PAK3: variants seen among roughly 807,000 people sequenced by gnomAD.
PAK3 encodes serine/threonine-protein kinase PAK 3.
In PAK3, 4 loss-of-function variants were observed where a neutral mutation model predicts 41.0. The observed-to-expected ratio is 0.10, with a 90% CI of 0.05 to 0.22. PAK3 has a LOEUF of 0.22. PAK3 is among the 10% of genes least tolerant of loss of function. The pLI, the probability that PAK3 is intolerant of heterozygous loss-of-function variation, is 1.00. For missense variants in PAK3, 205 were observed against 409.9 expected, an observed-to-expected ratio of 0.50 and a Z score of 4.32; for synonymous variants, 146 against 139.6, an observed-to-expected ratio of 1.05 and a Z score of -0.32.
intron 8 of PAK3, among the ~76,000 whole-genome samples, chrX:111,156,169 G>A (rs2094104739): frequency 8.9e-6 from 1 of 111,830 alleles, no homozygotes; most frequent in South Asian, 3.8e-4. Flanking sequence ...GGAATGGGGA[G>A]ATTACATTCA....
chrX:111,114,796 C>G (rs1160729832), intron 4 of PAK3, among the ~76,000 whole-genome samples: 6 of 111,760 alleles, frequency 5.4e-5, no homozygotes, highest in Admixed American at 1.9e-4. Context: ...TTATGAACAC[C>G]CGAGTTTCCT....
intron 1 of PAK3, among the ~76,000 whole-genome samples, chrX:111,046,002 C>A (rs776644477): frequency 1.8e-5 from 2 of 111,770 alleles, no homozygotes; most frequent in Non-Finnish European, 3.8e-5. Flanking sequence ...ATCTAAGTTT[C>A]ACTCTGTAAT....
In PAK3 at chrX:111,152,459, A is replaced by T. The variant is rs763898970; in HGVS notation, c.468+12A>T. Reference sequence around the variant, plus strand: ...CAGCCCATCCTTCGGTAAGTGAAAAATTGAAAACTGTTTCACATGATTGGT... The same window carrying T: ...CAGCCCATCCTTCGGTAAGTGAAAATTTGAAAACTGTTTCACATGATTGGT... On this transcript the variant is annotated intron_variant, in intron 8 of 17. Transcript: ENST00000372007. 8.9e-7 allele frequency: 1 copy of T among 1,121,349 alleles called. No homozygotes were observed. The highest frequency in any genetic ancestry group is 1.8e-5 in the South Asian group (1 of 54,972). The allele number at this position is 1,121,349 out of a possible 1,213,427, so 92.4% of individuals were successfully genotyped here.
At chrX:110,997,191 T>G (rs2091755225) in intron 1 of PAK3, among the ~76,000 whole-genome samples, 1 of 110,287 alleles carries the variant, frequency 9.1e-6, no homozygotes, top group African/African-American at 3.3e-5. Flanking sequence ...ATTCAGGAAT[T>G]TAATGGGGTT....
chrX:110,999,269 TAAG>T (rs1416525221), intron 1 of PAK3, among the ~76,000 whole-genome samples: 2 of 111,726 alleles, frequency 1.8e-5, no homozygotes, highest in Non-Finnish European at 3.8e-5. Context: ...AACCAAAGTT[TAAG>T]AAGAAGAAAC....
At chrX:110,953,821 G>A (rs753492055) in intron 1 of PAK3, among the ~76,000 whole-genome samples, 5 of 111,578 alleles carry the variant, frequency 4.5e-5, no homozygotes, top group Non-Finnish European at 9.4e-5. Context: ...GAGTTTGGAC[G>A]AACAAACTGA....
At chrX:111,076,862 C>G (rs1455725532) in intron 1 of PAK3, among the ~76,000 whole-genome samples, 1 of 111,431 alleles carries the variant, frequency 9.0e-6, no homozygotes, top group African/African-American at 3.3e-5. Context: ...GCATCCCATT[C>G]AGAAAGGAAG....
At chrX:111,109,557 G>A (rs1158116628) in intron 4 of PAK3, among the ~76,000 whole-genome samples, 1 of 111,909 alleles carries the variant, frequency 8.9e-6, no homozygotes, top group East Asian at 2.8e-4. Context: ...TGTTCATTTA[G>A]CTATCCCCTC....
chrX:111,168,486 A>G (rs1392660021), intron 10 of PAK3, among the ~76,000 whole-genome samples: 1 of 111,862 alleles, frequency 8.9e-6, no homozygotes, highest in Non-Finnish European at 1.9e-5. Context: ...CAAGGCCTCT[A>G]GTATACTTGC....
chrX:111,103,079 T>A (rs761804078), intron 3 of PAK3, 80 bp from the exon 4 acceptor site: 2 of 106,432 alleles, frequency 1.9e-5, no homozygotes, highest in Non-Finnish European at 3.8e-5. Flanking sequence ...GAGAGAGAGA[T>A]GTTTGGTGGG....
chrX:111,046,082 C>G (rs1215010906), intron 1 of PAK3, among the ~76,000 whole-genome samples: 2 of 111,679 alleles, frequency 1.8e-5, no homozygotes, highest in Non-Finnish European at 3.8e-5. Flanking sequence ...AGAGCCTCGT[C>G]TGCTGCTGGG....
intron 11 of PAK3, among the ~76,000 whole-genome samples, chrX:111,187,316 T>G (rs2094520589): frequency 8.9e-6 from 1 of 112,107 alleles, no homozygotes; most frequent in South Asian, 3.7e-4. Context: ...TCCTTATGAT[T>G]CACACACTAG....
At chrX:110,996,748 C>T (rs1017141032) in intron 1 of PAK3, among the ~76,000 whole-genome samples, 16 of 111,641 alleles carry the variant, frequency 1.4e-4, no homozygotes, top group African/African-American at 5.2e-4. Flanking sequence ...GAAAAGAGGC[C>T]TCAGAATGAA....
intron 1 of PAK3, among the ~76,000 whole-genome samples, chrX:111,022,504 G>A (rs1456920610): frequency 3.6e-5 from 4 of 111,466 alleles, no homozygotes; most frequent in African/African-American, 6.5e-5. Flanking sequence ...TACTAAGCCA[G>A]CACTAAAAGA....
At position 111,192,637 on chromosome X, in the gene PAK3, T is replaced by C; in HGVS notation, c.992+19T>C. On this transcript the variant is annotated intron_variant, in intron 13 of 17. Transcript: ENST00000372007. ...TAGATAGGTAAGTGTTTTGTCTTAT[T>C]ATGTACTTATATTCTTTGTGGGATG... 1.4e-6 allele frequency: 1 copy of C among 723,344 alleles called. No homozygotes were observed. The highest frequency in any genetic ancestry group is 2.2e-6 in the Non-Finnish European group (1 of 453,636). The allele number at this position is 723,344 out of a possible 1,213,427, so 59.6% of individuals were successfully genotyped here. A position where few individuals can be genotyped will look rare whatever the true frequency, so the allele number is the denominator to read the frequency against.
intron 10 of PAK3, among the ~76,000 whole-genome samples, chrX:111,165,568 T>C (rs2094244627): frequency 8.9e-6 from 1 of 112,449 alleles, no homozygotes; most frequent in South Asian, 3.7e-4. Flanking sequence ...ATCCGAACTG[T>C]CTATTTTTGT....
intron 1 of PAK3, among the ~76,000 whole-genome samples, chrX:111,058,850 G>A (rs2092628560): frequency 8.9e-6 from 1 of 111,767 alleles, no homozygotes; most frequent in African/African-American, 3.3e-5. Flanking sequence ...ATATAAGACA[G>A]TGGTCAAAAT....
intron 1 of PAK3, among the ~76,000 whole-genome samples, chrX:111,001,720 C>A (rs1028982424): frequency 2.7e-5 from 3 of 111,997 alleles, no homozygotes; most frequent in South Asian, 3.7e-4. Context: ...AAGCAGCCCC[C>A]TGGCCTGATG....
chrX:110,997,538 C>T (rs1025450186), intron 1 of PAK3, among the ~76,000 whole-genome samples: 2 of 111,540 alleles, frequency 1.8e-5, no homozygotes, highest in Admixed American at 1.9e-4. Context: ...ATAAATAGGA[C>T]ATGAGATAAA....
Sources: gnomAD v4.1 joint callset for allele counts (sites outside exome capture counted in the v4.1 genomes callset) on GRCh38, gnomAD v4.1.1 for gene constraint, MANE v1.5 for transcripts, NCBI Gene and HGNC (gene_info 2026-07-23, HGNC 2026-07-21) for gene names.